Variants in PAK6 observed in about 807,000 individuals in gnomAD.
PAK6 encodes serine/threonine-protein kinase PAK 6.
In PAK6, 33 loss-of-function variants were observed where a neutral mutation model predicts 60.8. The ratio of observed to expected loss-of-function variants is 0.54; its 90% CI spans 0.41 to 0.73. The LOEUF (loss-of-function observed/expected upper bound fraction) is 0.73, where lower values mean the gene tolerates loss of function less well. Ranked by LOEUF, PAK6 falls within the 30% of genes least tolerant of loss-of-function variation. The pLI, the probability that PAK6 is intolerant of heterozygous loss-of-function variation, is 0.00. For missense variants in PAK6, 845 were observed against 904.1 expected, an observed-to-expected ratio of 0.93 and a Z score of 0.84; for synonymous variants, 404 against 378.5, an observed-to-expected ratio of 1.07 and a Z score of -0.78.
chr15:40,272,300 A>G, exon 6 of PAK6: 2 of 1,613,538 alleles, frequency 1.2e-6, no homozygotes, highest in Non-Finnish European at 1.7e-6. Flanking sequence ...TTGCCCTCGG[A>G]CCAGCCGGTG....
chr15:40,264,648 G>A lies in PAK6; in HGVS notation c.-5-133G>A, dbSNP rs150318824. 1,927 of 722,158 alleles carry A rather than the reference G, an allele frequency of 2.7e-3. 6 individuals carry two copies. Among genetic ancestry groups the A allele is most frequent in the Admixed American group, 4.5e-3 (190 of 42,232 alleles). The allele number at this position is 722,158 out of a possible 1,614,324, so 44.7% of individuals were successfully genotyped here. Reference sequence around the variant, plus strand: ...TTTCCCTGAGGAAGCAGAGATGGAGGTGGAGGGAAGCCCTAGGCTTCTAGG... The same window carrying A: ...TTTCCCTGAGGAAGCAGAGATGGAGATGGAGGGAAGCCCTAGGCTTCTAGG... On this transcript the variant is annotated intron_variant, in intron 3 of 10. Transcript: ENST00000560346.
intron 2 of PAK6, chr15:40,252,410 C>G: frequency 7.4e-7 from 1 of 1,350,102 alleles, no homozygotes; most frequent in Non-Finnish European, 9.8e-7. Flanking sequence ...TGGGGCCAAG[C>G]AGGTGGAGAG....
intron 2 of PAK6, chr15:40,246,787 A>G (rs2038507180): frequency 6.6e-6 from 1 of 152,348 alleles, no homozygotes; most frequent in Non-Finnish European, 1.5e-5. Flanking sequence ...CCTGAGAAGG[A>G]TGGCAGCATG....
At chr15:40,276,259 G>A in exon 11 of PAK6, 1 of 650,946 alleles carries the variant, frequency 1.5e-6, no homozygotes, top group South Asian at 1.9e-5. Context: ...GGCCAGGCCG[G>A]ACCTGCCCCC....
At chr15:40,273,031 C>T in intron 7 of PAK6, 32 bp downstream of exon 7, 1 of 1,608,962 alleles carries the variant, frequency 6.2e-7, no homozygotes, top group South Asian at 1.1e-5. Context: ...ACCCTGAGTG[C>T]AGGCTGCCCT....
chr15:40,240,680 C>A (rs1336332739), exon 2 of PAK6: 4 of 447,902 alleles, frequency 8.9e-6, no homozygotes, highest in Non-Finnish European at 1.3e-5. Flanking sequence ...GGAGCAGCCA[C>A]GGTAAGGTCC....
chr15:40,263,049 C>T (rs905841758), intron 3 of PAK6, among the ~76,000 whole-genome samples: 1 of 152,220 alleles, frequency 6.6e-6, no homozygotes, highest in African/African-American at 2.4e-5. Flanking sequence ...TGAGATGTGA[C>T]GTGGGCTCTG....
intron 3 of PAK6, chr15:40,256,982 A>G (rs1207825597): frequency 6.6e-6 from 1 of 152,228 alleles, no homozygotes; most frequent in African/African-American, 2.4e-5. Flanking sequence ...GTCGAGGCCT[A>G]CGTAAGGCGA....
chr15:40,240,286 A>G (rs2038285249), intron 1 of PAK6, among the ~76,000 whole-genome samples: 2 of 152,172 alleles, frequency 1.3e-5, no homozygotes, highest in Admixed American at 6.5e-5. Context: ...ACAGGGACAC[A>G]TTCAGTGAGA....
exon 5 of PAK6, chr15:40,266,451 G>A: frequency 6.2e-7 from 1 of 1,612,172 alleles, no homozygotes; most frequent in Non-Finnish European, 8.5e-7. Context: ...TGCTGCCACA[G>A]CCCCTCCAAG....
rs369042481 is a variant in PAK6 at position 40,272,656 on chromosome 15, C to T, written c.1291C>T (p.Arg431Cys). The change falls in exon 6 of 11, where the codon CGC (arginine) becomes TGC (cysteine). Residue 431 changes from arginine to cysteine, a missense_variant. Transcript: ENST00000560346. ...CTTGGCCCGGGAGAAGCACTCGGGCCGCCAGGTGGCCGTCAAGATGATGGA... is the reference window on the plus strand; with the variant it reads ...CTTGGCCCGGGAGAAGCACTCGGGCTGCCAGGTGGCCGTCAAGATGATGGA... 2.9e-5 allele frequency: 47 copies of T among 1,605,776 alleles called. No individual in the cohort carries two copies. Among genetic ancestry groups the T allele is most frequent in the East Asian group, 4.5e-5 (2 of 44,826 alleles).
chr15:40,253,426 C>T, intron 3 of PAK6, 137 bp downstream of exon 3: 5 of 364,654 alleles, frequency 1.4e-5, no homozygotes, highest in South Asian at 1.0e-4. Context: ...GAGGTGGTCC[C>T]TTCCAGGTGC....
intron 3 of PAK6, among the ~76,000 whole-genome samples, chr15:40,253,833 T>C (rs1279998278): frequency 6.6e-6 from 1 of 152,344 alleles, no homozygotes; most frequent in East Asian, 1.9e-4. Flanking sequence ...GGCTAAGCCA[T>C]GAAGAGCTCC....
At chr15:40,272,111 C>A (rs2039319741) in intron 5 of PAK6, 113 bp from the exon 6 acceptor site, 2 of 1,187,492 alleles carry the variant, frequency 1.7e-6, no homozygotes, top group Non-Finnish European at 1.2e-6. Context: ...TGATCTGATA[C>A]CCCGCCTGAC....
chr15:40,252,877 G>A, intron 2 of PAK6: 7 of 1,240,176 alleles, frequency 5.6e-6, no homozygotes, highest in Non-Finnish European at 7.2e-6. Flanking sequence ...GCGCCCGCCC[G>A]GCGCGGGGCA....
chr15:40,276,688 GAA>G (rs1276794074), exon 11 of PAK6: 1 of 153,258 alleles, frequency 6.5e-6, no homozygotes, highest in East Asian at 1.9e-4. Context: ...ATTTCTGAGT[GAA>G]AGAGAAAGAA....
intron 3 of PAK6, among the ~76,000 whole-genome samples, chr15:40,257,643 A>G (rs766019090): frequency 6.6e-6 from 1 of 152,220 alleles, no homozygotes; most frequent in South Asian, 2.1e-4. Flanking sequence ...AGCAATGCTC[A>G]TTTGAATGCC....
chr15:40,241,151 C>T (rs745867586), intron 2 of PAK6, among the ~76,000 whole-genome samples: 3 of 152,182 alleles, frequency 2.0e-5, no homozygotes, highest in Admixed American at 6.5e-5. Flanking sequence ...TGGCCAAGCA[C>T]GGTCACTCCT....
intron 3 of PAK6, chr15:40,256,785 A>T (rs1276144831): frequency 6.6e-6 from 1 of 152,106 alleles, no homozygotes; most frequent in Non-Finnish European, 1.5e-5. Flanking sequence ...GCTTGTGGCG[A>T]GGAGATCACA....
Sources: gnomAD v4.1 joint callset for allele counts (sites outside exome capture counted in the v4.1 genomes callset) on GRCh38, gnomAD v4.1.1 for gene constraint, MANE v1.5 for transcripts, NCBI Gene and HGNC (gene_info 2026-07-23, HGNC 2026-07-21) for gene names.